Variants in GABRB2 observed in about 807,000 individuals in gnomAD.
The protein encoded by GABRB2 is gamma-aminobutyric acid type A receptor subunit beta2, also known as gamma-aminobutyric acid receptor subunit beta-2.
A neutral mutation model predicts 54.7 loss-of-function variants in GABRB2; 16 were observed. The observed-to-expected ratio is 0.29, with a 90% CI of 0.20 to 0.44. The LOEUF is 0.44. Among genes scored for constraint, GABRB2 ranks in the 20% least tolerant of loss-of-function variants. The probability of loss-of-function intolerance (pLI) is 1.00; values close to 1 mark genes in which losing one functional copy is unlikely to be tolerated. For missense variants in GABRB2, 355 were observed against 644.0 expected (o/e 0.55, Z 4.86); for synonymous variants, 244 against 233.8 (o/e 1.04, Z -0.40).
chr5:161,337,748 T>C (rs954572231), intron 5 of GABRB2, among the ~76,000 whole-genome samples: 1 of 151,978 alleles, frequency 6.6e-6, no homozygotes, highest in African/African-American at 2.4e-5. Flanking sequence ...TGCCATAAAA[T>C]CCAGTGAATA....
intron 5 of GABRB2, among the ~76,000 whole-genome samples, chr5:161,373,965 C>A (rs946297363): frequency 3.3e-5 from 5 of 151,968 alleles, no homozygotes; most frequent in Admixed American, 3.3e-4. Flanking sequence ...TTTGTTGAGA[C>A]TGAGTTTTGC....
chr5:161,376,926 T>C (rs1408476193), intron 5 of GABRB2, among the ~76,000 whole-genome samples: 1 of 148,974 alleles, frequency 6.7e-6, no homozygotes, highest in Non-Finnish European at 1.5e-5. Context: ...TATAGAAACA[T>C]CAAAAATGAG....
chr5:161,392,033 TA>T (rs1268976882), intron 5 of GABRB2, among the ~76,000 whole-genome samples: 3 of 152,106 alleles, frequency 2.0e-5, no homozygotes. Flanking sequence ...TGTGCAAAAT[TA>T]AAATGTGGGG....
At chr5:161,448,235 G>T (rs1757689666) in intron 4 of GABRB2, among the ~76,000 whole-genome samples, 1 of 152,028 alleles carries the variant, frequency 6.6e-6, no homozygotes, top group Non-Finnish European at 1.5e-5. Context: ...CCAGCCTGGG[G>T]AACATAGTGA....
chr5:161,465,903 T>C (rs761417377), intron 3 of GABRB2, among the ~76,000 whole-genome samples: 2 of 152,058 alleles, frequency 1.3e-5, no homozygotes, highest in African/African-American at 2.4e-5. Flanking sequence ...AACCAGGAAA[T>C]TGACATATAT....
intron 3 of GABRB2, among the ~76,000 whole-genome samples, chr5:161,498,438 C>A (rs185304746): frequency 6.6e-6 from 1 of 152,062 alleles, no homozygotes; most frequent in Non-Finnish European, 1.5e-5. Flanking sequence ...GAAATGACCC[C>A]GTATTTTGGT....
intron 5 of GABRB2, among the ~76,000 whole-genome samples, chr5:161,393,674 A>G (rs572720730): frequency 6.6e-6 from 1 of 152,162 alleles, no homozygotes; most frequent in Non-Finnish European, 1.5e-5. Flanking sequence ...AGGACATTTC[A>G]TTATGATAAA....
intron 3 of GABRB2, among the ~76,000 whole-genome samples, chr5:161,524,604 C>A (rs1261075899): frequency 6.6e-6 from 1 of 151,348 alleles, no homozygotes; most frequent in Non-Finnish European, 1.5e-5. Flanking sequence ...TTTAGCCAAT[C>A]AGATCAAGAA....
intron 9 of GABRB2, among the ~76,000 whole-genome samples, chr5:161,311,391 GA>G (rs1757864330): frequency 8.6e-6 from 1 of 116,884 alleles, no homozygotes; most frequent in Admixed American, 1.0e-4. Context: ...GTGCAACTCA[GA>G]TAGAGAAATC....
At chr5:161,444,293 C>T (rs996376678) in intron 4 of GABRB2, among the ~76,000 whole-genome samples, 1 of 152,100 alleles carries the variant, frequency 6.6e-6, no homozygotes, top group Admixed American at 6.6e-5. Context: ...TAAAAAGTTA[C>T]ATACATTTTA....
intron 5 of GABRB2, among the ~76,000 whole-genome samples, chr5:161,358,805 G>C (rs1754716821): frequency 6.6e-6 from 1 of 152,080 alleles, no homozygotes; most frequent in African/African-American, 2.4e-5. Flanking sequence ...AGGAGAGAGG[G>C]GAGAAGGTAT....
chr5:161,391,368 A>T (rs1250446397), intron 5 of GABRB2, among the ~76,000 whole-genome samples: 1 of 152,158 alleles, frequency 6.6e-6, no homozygotes, highest in Non-Finnish European at 1.5e-5. Context: ...ATTTAACGAG[A>T]CAGGTTTTTA....
chr5:161,339,516 C>T (rs1426711836), intron 5 of GABRB2, among the ~76,000 whole-genome samples: 1 of 151,950 alleles, frequency 6.6e-6, no homozygotes, highest in Non-Finnish European at 1.5e-5. Context: ...CCAGATAATT[C>T]TATTGTAGGT....
intron 3 of GABRB2, among the ~76,000 whole-genome samples, chr5:161,522,263 A>C (rs1760138097): frequency 6.6e-6 from 1 of 151,792 alleles, no homozygotes; most frequent in South Asian, 2.1e-4. Flanking sequence ...AAGAGTATCC[A>C]GTTTTGCATT....
chr5:161,543,620 T>C (rs2113482959), intron 3 of GABRB2, among the ~76,000 whole-genome samples: 1 of 152,328 alleles, frequency 6.6e-6, no homozygotes, highest in South Asian at 2.1e-4. Context: ...ACCTGATTTC[T>C]ATATTACTTT....
intron 3 of GABRB2, among the ~76,000 whole-genome samples, chr5:161,481,006 G>A (rs932824797): frequency 4.6e-5 from 7 of 151,882 alleles, no homozygotes; most frequent in African/African-American, 1.5e-4. Flanking sequence ...TACCACAGAC[G>A]AAAAACTCAT....
chr5:161,419,604 T>C (rs932480758), intron 4 of GABRB2, among the ~76,000 whole-genome samples: 3 of 152,250 alleles, frequency 2.0e-5, no homozygotes, highest in African/African-American at 7.2e-5. Context: ...GTGGTATATA[T>C]ACACTGTAGA....
rs116397309 is a variant in GABRB2, at chr5:161,542,485, G to C, written c.237+2742C>G. ...CTCCCCTTTAATGAATGAGTAAAGT[G>C]AGCCCAGTCTATCTGTGAATATCCT... is the stretch of plus-strand genomic sequence containing the variant. On this transcript the variant is annotated intron_variant, in intron 3 of 9. Transcript: ENST00000393959. Among the ~76,000 whole-genome samples, 398 of 152,296 alleles carry C rather than the reference G, an allele frequency of 2.6e-3. 2 individuals carry two copies. Among genetic ancestry groups the C allele is most frequent in the African/African-American group, 9.3e-3 (388 of 41,570 alleles).
intron 3 of GABRB2, among the ~76,000 whole-genome samples, chr5:161,490,922 G>A (rs1581029917): frequency 6.6e-6 from 1 of 151,686 alleles, no homozygotes; most frequent in East Asian, 1.9e-4. Context: ...CCAATTGAGA[G>A]ATTTGCTTCC....
Sources: gnomAD v4.1 joint callset for allele counts (sites outside exome capture counted in the v4.1 genomes callset) on GRCh38, gnomAD v4.1.1 for gene constraint, MANE v1.5 for transcripts, NCBI Gene and HGNC (gene_info 2026-07-23, HGNC 2026-07-21) for gene names.